CAMSAP2: variants seen among roughly 807,000 people sequenced by gnomAD.
The protein encoded by CAMSAP2 is calmodulin regulated spectrin associated protein family member 2.
In CAMSAP2, 26 loss-of-function variants were observed where a neutral mutation model predicts 146.1. That is an observed-to-expected ratio of 0.18 (90% CI 0.13 to 0.25). The LOEUF is 0.25. Ranked by LOEUF, CAMSAP2 falls within the 10% of genes least tolerant of loss-of-function variation. CAMSAP2 has a pLI of 1.00. For synonymous variants in CAMSAP2, 499 were observed against 596.6 expected, an observed-to-expected ratio of 0.84 and a Z score of 2.38; for missense variants, 1,381 against 1,759.3, an observed-to-expected ratio of 0.78 and a Z score of 3.85.
At position 200,832,441 on chromosome 1, in the gene CAMSAP2, C is replaced by G. The variant is rs1667068078; in HGVS notation, c.787+100C>G. The G allele has an allele frequency of 8.8e-7, 1 of 1,130,744 alleles. No individual in the cohort carries two copies. The highest frequency in any genetic ancestry group is 2.8e-5 in the Admixed American group (1 of 35,970). 70.0% of individuals were successfully genotyped at this position (1,130,744 alleles called of 1,614,324 possible). ...TCCAGCCTAGGTGACTGAGTGGGAC[C>G]CTGTCTCAAAAAAAAGACAATATTA... On this transcript the variant is annotated intron_variant, in intron 5 of 16. Transcript: ENST00000358823. This position sits in a 1 kb window ranked among gnomAD's most constrained non-coding sequence, Gnocchi z 4.2.
intron 2 of CAMSAP2, among the ~76,000 whole-genome samples, chr1:200,786,773 T>C (rs1057282515): frequency 1.3e-5 from 2 of 152,214 alleles, no homozygotes; most frequent in Non-Finnish European, 2.9e-5. Flanking sequence ...AGTCAGTGAC[T>C]GGCTTCAGTG....
Position 200,857,244 on chromosome 1 carries a change from A to G in CAMSAP2, c.4013-62A>G. 9.1e-7 allele frequency: 1 copy of G among 1,100,442 alleles called. No individual in the cohort carries two copies. Among genetic ancestry groups the G allele is most frequent in the Non-Finnish European group, 1.4e-6 (1 of 726,636 alleles). The allele number at this position is 1,100,442 out of a possible 1,614,324, so 68.2% of individuals were successfully genotyped here. A position where few individuals can be genotyped will look rare whatever the true frequency, so the allele number is the denominator to read the frequency against. ...TGTAGGAACAATTACATCATTTTAA[A>G]ATAGTAGTATTTCTGACTTAGGAAT... On this transcript the variant is annotated intron_variant, in intron 15 of 16. Transcript: ENST00000358823. The surrounding 1 kb of genome is among the most constrained non-coding windows in gnomAD (Gnocchi z 4.7).
intron 2 of CAMSAP2, among the ~76,000 whole-genome samples, chr1:200,782,391 A>G (rs769239662): frequency 6.6e-6 from 1 of 151,900 alleles, no homozygotes; most frequent in Non-Finnish European, 1.5e-5. Context: ...ACTCTTGTAG[A>G]TACCACTACA....
intron 10 of CAMSAP2, 121 bp downstream of exon 10, chr1:200,847,830 A>G: frequency 1.0e-6 from 1 of 986,184 alleles, no homozygotes; most frequent in Non-Finnish European, 1.5e-6. Context: ...AAATTTGAAA[A>G]AGGCAGTATA....
intron 1 of CAMSAP2, among the ~76,000 whole-genome samples, chr1:200,752,708 C>T (rs898611019): frequency 6.6e-6 from 1 of 151,866 alleles, no homozygotes; most frequent in Non-Finnish European, 1.5e-5. Flanking sequence ...AGCTCCACCT[C>T]CCAGGTTCAC....
chr1:200,775,931 T>A (rs998570777), intron 2 of CAMSAP2, among the ~76,000 whole-genome samples: 24 of 151,974 alleles, frequency 1.6e-4, no homozygotes, highest in African/African-American at 5.8e-4. Context: ...CAGAGTGCTA[T>A]GCCAATATAA....
chr1:200,813,840 T>A (rs1231551194), intron 3 of CAMSAP2, among the ~76,000 whole-genome samples: 2 of 152,078 alleles, frequency 1.3e-5, no homozygotes, highest in African/African-American at 4.8e-5. Context: ...GGCTCATGTC[T>A]GTAATCCCAA....
intron 3 of CAMSAP2, among the ~76,000 whole-genome samples, chr1:200,809,414 C>A (rs947998646): frequency 2.6e-5 from 4 of 151,242 alleles, no homozygotes; most frequent in Non-Finnish European, 5.9e-5. Flanking sequence ...ATAAGAATTA[C>A]CTGGTGTATT....
intron 2 of CAMSAP2, among the ~76,000 whole-genome samples, chr1:200,801,681 T>A (rs951858963): frequency 6.6e-6 from 1 of 152,218 alleles, no homozygotes; most frequent in African/African-American, 2.4e-5. Context: ...TTTATTAAGT[T>A]GATTTTCAAT....
Position 200,853,403 on chromosome 1 carries a change from G to A in CAMSAP2, c.3731G>A (p.Arg1244His), listed in dbSNP as rs763798200. 3.2e-5 allele frequency: 51 copies of A among 1,613,610 alleles called. No homozygotes were observed. Among genetic ancestry groups the A allele is most frequent in the Non-Finnish European group, 4.1e-5 (48 of 1,179,818 alleles). The change falls in exon 13 of 17, where the codon CGT becomes CAT. Residue 1244 changes from arginine (R) to histidine (H), a missense_variant. Physicochemically the swap from Arg to His is conservative, Grantham distance 29. This residue lies in a region of CAMSAP2 where 560 missense variants were observed against 715.9 expected (regional missense o/e 0.78). Transcript: ENST00000358823. This position sits in a 1 kb window ranked among gnomAD's most constrained non-coding sequence, Gnocchi z 5.1. ...MEDMDTVIKP[R>H]PQVVKQKKQR... ...GATATGGATACAGTAATTAAACCCC[G>A]TCCTCAAGTAGTAAAACAAAAAAAA...
intron 2 of CAMSAP2, among the ~76,000 whole-genome samples, chr1:200,784,996 T>G (rs1665544666): frequency 6.6e-6 from 1 of 152,238 alleles, no homozygotes; most frequent in Admixed American, 6.5e-5. Flanking sequence ...TCAAATGCTT[T>G]TTCTGCCTCT....
At position 200,739,991 on chromosome 1, in the gene CAMSAP2, C is replaced by T. The variant is rs558239797; in HGVS notation, c.139+25C>T. The T allele has an allele frequency of 6.2e-6, 10 of 1,611,874 alleles. No homozygotes were observed. Among genetic ancestry groups the T allele is most frequent in the Non-Finnish European group, 8.5e-6 (10 of 1,178,584 alleles). On this transcript the variant is annotated intron_variant, in intron 1 of 16. Transcript: ENST00000358823. This position sits in a 1 kb window ranked among gnomAD's most constrained non-coding sequence, Gnocchi z 4.8. ...GGTTAGTGGTGTCACCCTTTCCCTCCCCTCTTCCTCCTGATGTGGTCCACA... is the reference window on the plus strand; with the variant it reads ...GGTTAGTGGTGTCACCCTTTCCCTCTCCTCTTCCTCCTGATGTGGTCCACA...
chr1:200,745,436 T>A (rs531110855), intron 1 of CAMSAP2, among the ~76,000 whole-genome samples: 91 of 152,314 alleles, frequency 6.0e-4, no homozygotes, highest in Admixed American at 9.8e-4. Context: ...TAAGACATAC[T>A]GATTTCACAA....
intron 2 of CAMSAP2, among the ~76,000 whole-genome samples, chr1:200,799,071 A>G (rs1370356109): frequency 6.6e-6 from 1 of 152,152 alleles, no homozygotes; most frequent in African/African-American, 2.4e-5. Flanking sequence ...TCAGTTTGCC[A>G]GTGTTTTATT....
chr1:200,824,460 C>G (rs936731231), intron 4 of CAMSAP2, among the ~76,000 whole-genome samples: 2 of 152,054 alleles, frequency 1.3e-5, no homozygotes, highest in African/African-American at 2.4e-5. Flanking sequence ...AGACAGAGTT[C>G]AGAAATAAAA....
chr1:200,831,698 G>C (rs1248480671), intron 4 of CAMSAP2, among the ~76,000 whole-genome samples: 1 of 150,860 alleles, frequency 6.6e-6, no homozygotes, highest in African/African-American at 2.4e-5. Context: ...TAATAACCCA[G>C]AATGTCTTGG....
At chr1:200,772,248 T>C (rs181280735) in intron 2 of CAMSAP2, among the ~76,000 whole-genome samples, 14 of 152,300 alleles carry the variant, frequency 9.2e-5, no homozygotes, top group African/African-American at 2.4e-4. Context: ...AAAAAAAATA[T>C]GGGTTGTGAC....
At chr1:200,758,882 T>C (rs1664719775) in intron 1 of CAMSAP2, among the ~76,000 whole-genome samples, 1 of 152,204 alleles carries the variant, frequency 6.6e-6, no homozygotes, top group Non-Finnish European at 1.5e-5. Flanking sequence ...TCCTATACTT[T>C]CTGTTTTCAC....
intron 4 of CAMSAP2, among the ~76,000 whole-genome samples, chr1:200,827,970 A>C (rs1666946388): frequency 6.6e-6 from 1 of 152,166 alleles, no homozygotes; most frequent in African/African-American, 2.4e-5. Flanking sequence ...TCTTTGTGTG[A>C]GTAGTTACTT....
Sources: gnomAD v4.1 joint callset for allele counts (sites outside exome capture counted in the v4.1 genomes callset) on GRCh38, gnomAD v4.1.1 for gene constraint, gnomAD v4.1.1 regional missense constraint, Gnocchi (gnomAD v3.1) non-coding constraint, MANE v1.5 for transcripts, NCBI Gene and HGNC (gene_info 2026-07-23, HGNC 2026-07-21) for gene names.